CLHC1: variants seen among roughly 807,000 people sequenced by gnomAD.
The protein encoded by CLHC1 is clathrin heavy chain linker domain-containing protein 1.
Under a neutral mutation model 69.5 loss-of-function variants are expected in CLHC1, and 72 were observed. That is an observed-to-expected ratio of 1.04 (90% CI 0.86 to 1.26). CLHC1 has a LOEUF of 1.26. Among genes scored for constraint, CLHC1 ranks in the 50% most tolerant of loss-of-function variants. The pLI is 0.00. For missense variants in CLHC1, 790 were observed against 679.3 expected (o/e 1.16, Z -1.81); for synonymous variants, 223 against 224.3 (o/e 0.99, Z 0.05).
intron 1 of CLHC1, among the ~76,000 whole-genome samples, chr2:55,228,442 T>C (rs551098127): frequency 9.2e-5 from 14 of 152,338 alleles, no homozygotes; most frequent in South Asian, 6.2e-4. Flanking sequence ...CAAAATGCCA[T>C]TGAGTTACAT....
At position 55,180,503 on chromosome 2, in the gene CLHC1, A is replaced by T. The variant is rs766991805; in HGVS notation, c.1384+7T>A. On this transcript the variant is annotated splice_region_variant and intron_variant, in intron 11 of 12. Transcript: ENST00000401408. Reference sequence around the variant, plus strand: ...AATGTATACAAATGGCAGACTTTTTAACTTACCGGTAGTAAAGTCCTTCAA... The same window carrying T: ...AATGTATACAAATGGCAGACTTTTTTACTTACCGGTAGTAAAGTCCTTCAA... 1.9e-6 allele frequency: 3 copies of T among 1,606,412 alleles called. No individual in the cohort carries two copies. The highest frequency in any genetic ancestry group is 2.7e-5 in the African/African-American group (2 of 74,758).
intron 9 of CLHC1, among the ~76,000 whole-genome samples, chr2:55,199,835 G>C (rs1671769711): frequency 6.6e-6 from 1 of 152,058 alleles, no homozygotes; most frequent in Admixed American, 6.6e-5. Flanking sequence ...AGAAGGAAGA[G>C]AAGACCATAA....
intron 9 of CLHC1, among the ~76,000 whole-genome samples, chr2:55,189,928 C>T (rs1405621431): frequency 2.6e-5 from 4 of 152,180 alleles, no homozygotes; most frequent in African/African-American, 7.2e-5. Context: ...CTGCTCCAGT[C>T]CTGCCTAACA....
intron 4 of CLHC1, among the ~76,000 whole-genome samples, chr2:55,214,023 C>T (rs1013020918): frequency 6.6e-6 from 1 of 151,998 alleles, no homozygotes; most frequent in Non-Finnish European, 1.5e-5. Flanking sequence ...GTTGGGGGAT[C>T]ACATGTCATG....
At chr2:55,205,331 C>G (rs1672332093) in intron 9 of CLHC1, among the ~76,000 whole-genome samples, 1 of 151,916 alleles carries the variant, frequency 6.6e-6, no homozygotes, top group Non-Finnish European at 1.5e-5. Flanking sequence ...TTTATCACAG[C>G]ACTATTCACA....
Position 55,211,272 on chromosome 2 carries a change from T to A in CLHC1, c.499+1401A>T, listed in dbSNP as rs375329181. On this transcript the variant is annotated intron_variant, in intron 5 of 12. Transcript: ENST00000401408. ...ATCCCAGCACTTTGGGAGGCCGAGA[T>A]GGGCAGATCACAAGGTCAGGAGATC... 2.5e-3 allele frequency among the ~76,000 whole-genome samples: 373 copies of A among 151,992 alleles called. 1 individual carries two copies. Among genetic ancestry groups the A allele is most frequent in the African/African-American group, 8.6e-3 (358 of 41,440 alleles).
intron 4 of CLHC1, chr2:55,214,345 T>C (rs1415036969): frequency 6.6e-6 from 1 of 152,148 alleles, no homozygotes; most frequent in African/African-American, 2.4e-5. Flanking sequence ...CCATCTCTAC[T>C]AAGAATACAA....
In CLHC1 at chr2:55,192,222, C is replaced by T. The variant is rs190600292; in HGVS notation, c.1007-10478G>A. 1.8e-4 allele frequency among the ~76,000 whole-genome samples: 27 copies of T among 152,098 alleles called. No homozygotes were observed. The East Asian group carries it at 3.9e-3, about 22-fold the overall frequency. On this transcript the variant is annotated intron_variant, in intron 9 of 12. Transcript: ENST00000401408. ...GCAACCTTTGCCTCCTGGGTTCAAG[C>T]GATTCTCCTGCTTCAGCCTCCCGAA...
intron 11 of CLHC1, among the ~76,000 whole-genome samples, chr2:55,179,430 C>T (rs1573584398): frequency 1.3e-5 from 2 of 152,066 alleles, no homozygotes; most frequent in Non-Finnish European, 2.9e-5. Context: ...ATAGGGCATG[C>T]TGTTATTAAT....
intron 9 of CLHC1, among the ~76,000 whole-genome samples, chr2:55,187,762 G>A (rs1277407910): frequency 6.6e-6 from 1 of 152,034 alleles, no homozygotes; most frequent in East Asian, 1.9e-4. Flanking sequence ...GGTAGGGAAG[G>A]ACTTTTACAT....
chr2:55,177,452 A>G (rs185039926), intron 12 of CLHC1, 150 bp downstream of exon 12: 1 of 470,206 alleles, frequency 2.1e-6, no homozygotes, highest in Admixed American at 3.7e-5. Context: ...TATTATTTAC[A>G]TGGCAATCTT....
chr2:55,206,140 A>C lies in CLHC1; in HGVS notation c.1006+130T>G, dbSNP rs367544863. 3 of 600,862 alleles carry C rather than the reference A, an allele frequency of 5.0e-6. No individual in the cohort carries two copies. The African/African-American group carries it at 5.6e-5, about 11-fold the overall frequency. 37.2% of individuals were successfully genotyped at this position (600,862 alleles called of 1,614,324 possible). A position where few individuals can be genotyped will look rare whatever the true frequency, so the allele number is the denominator to read the frequency against. The stretch of plus-strand genomic sequence containing the variant: ...AAATCCCTAATGTTACTGCTAAGCA[A>C]ACTGAGTAAATGGTAGAGATAGGGC... On this transcript the variant is annotated intron_variant, in intron 9 of 12. Transcript: ENST00000401408.
intron 4 of CLHC1, among the ~76,000 whole-genome samples, chr2:55,216,315 T>C (rs562456371): frequency 1.3e-4 from 19 of 151,686 alleles, no homozygotes; most frequent in African/African-American, 4.1e-4. Flanking sequence ...GAAAATTATC[T>C]ATAAAAATAA....
intron 3 of CLHC1, among the ~76,000 whole-genome samples, chr2:55,221,581 T>C (rs1438963392): frequency 6.6e-6 from 1 of 152,216 alleles, no homozygotes; most frequent in Non-Finnish European, 1.5e-5. Flanking sequence ...AAGTATCATG[T>C]TTCTGCTTGC....
chr2:55,184,077 C>T (rs1250452488), intron 9 of CLHC1, among the ~76,000 whole-genome samples: 2 of 151,018 alleles, frequency 1.3e-5, no homozygotes, highest in Non-Finnish European at 2.9e-5. Flanking sequence ...CCATGCTCGG[C>T]CTGTTTTCTC....
intron 9 of CLHC1, among the ~76,000 whole-genome samples, chr2:55,183,197 T>A (rs915350868): frequency 2.4e-4 from 36 of 152,036 alleles, no homozygotes; most frequent in African/African-American, 8.4e-4. Flanking sequence ...CTAACCAGGG[T>A]AAGGGGAAAA....
At chr2:55,184,470 A>G (rs1020851120) in intron 9 of CLHC1, among the ~76,000 whole-genome samples, 2 of 152,182 alleles carry the variant, frequency 1.3e-5, no homozygotes, top group Non-Finnish European at 2.9e-5. Flanking sequence ...CTCAAAGAAC[A>G]CAATGCAAGT....
intron 2 of CLHC1, chr2:55,224,802 T>C: frequency 3.2e-6 from 1 of 309,620 alleles, no homozygotes; most frequent in Admixed American, 3.9e-5. Context: ...GGAGTAAAGC[T>C]CCGTCAAAGA....
At chr2:55,176,655 C>T (rs762326848) in intron 12 of CLHC1, among the ~76,000 whole-genome samples, 1 of 152,070 alleles carries the variant, frequency 6.6e-6, no homozygotes, top group African/African-American at 2.4e-5. Flanking sequence ...ACTTATGGTA[C>T]TTCATAAAAG....
Sources: gnomAD v4.1 joint callset for allele counts (sites outside exome capture counted in the v4.1 genomes callset) on GRCh38, gnomAD v4.1.1 for gene constraint, MANE v1.5 for transcripts, NCBI Gene and HGNC (gene_info 2026-07-23, HGNC 2026-07-21) for gene names.